The following DYNC1I1 variants were observed in gnomAD, a reference collection of about 807,000 sequenced individuals.
The protein encoded by DYNC1I1 is cytoplasmic dynein 1 intermediate chain 1.
DYNC1I1 carries 43 observed loss-of-function variants against 86.6 expected under a neutral mutation model. The observed-to-expected ratio is 0.50, with a 90% CI of 0.39 to 0.64. DYNC1I1 has a LOEUF of 0.64. DYNC1I1 is among the 30% of genes least tolerant of loss of function. The pLI is 0.00. For synonymous variants in DYNC1I1, 262 were observed against 283.7 expected, an observed-to-expected ratio of 0.92 and a Z score of 0.77; for missense variants, 604 against 788.8, an observed-to-expected ratio of 0.77 and a Z score of 2.81.
intron 1 of DYNC1I1, among the ~76,000 whole-genome samples, chr7:95,787,393 A>G (rs922832077): frequency 6.6e-6 from 1 of 152,158 alleles, no homozygotes; most frequent in Non-Finnish European, 1.5e-5. Flanking sequence ...ATGTTAATAC[A>G]TTCAAAAGGA....
chr7:95,871,509 A>G (rs1790167925), intron 6 of DYNC1I1, among the ~76,000 whole-genome samples: 1 of 152,228 alleles, frequency 6.6e-6, no homozygotes, highest in South Asian at 2.1e-4. Flanking sequence ...ATTTGCTGCC[A>G]GAGGTATTTG....
At chr7:96,074,201 C>T (rs999353761) in intron 14 of DYNC1I1, among the ~76,000 whole-genome samples, 2 of 152,216 alleles carry the variant, frequency 1.3e-5, no homozygotes, top group African/African-American at 4.8e-5. Context: ...AGACACATCT[C>T]ACTATATCCA....
intron 5 of DYNC1I1, among the ~76,000 whole-genome samples, chr7:95,855,743 G>T (rs1789702966): frequency 1.3e-5 from 2 of 152,156 alleles, no homozygotes; most frequent in Admixed American, 6.5e-5. Flanking sequence ...AAATATCTGT[G>T]TATCTTAACC....
chr7:95,850,653 G>A (rs1789553687), intron 5 of DYNC1I1, among the ~76,000 whole-genome samples: 1 of 152,154 alleles, frequency 6.6e-6, no homozygotes, highest in African/African-American at 2.4e-5. Context: ...CATGTGTCAT[G>A]CATTGTGGCC....
intron 16 of DYNC1I1, among the ~76,000 whole-genome samples, chr7:96,107,925 G>A (rs1361457159): frequency 7.4e-6 from 1 of 135,828 alleles, no homozygotes; most frequent in Non-Finnish European, 1.5e-5. Context: ...ATTGCCTTCC[G>A]GCCTCAATGA....
chr7:96,022,382 A>T (rs1327789584), intron 10 of DYNC1I1, among the ~76,000 whole-genome samples: 6 of 152,196 alleles, frequency 3.9e-5, no homozygotes, highest in Admixed American at 6.5e-5. Context: ...TTTTAGAATC[A>T]GCTGCTTTTT....
At chr7:95,965,008 G>C (rs1252982199) in intron 6 of DYNC1I1, among the ~76,000 whole-genome samples, 3 of 152,184 alleles carry the variant, frequency 2.0e-5, no homozygotes, top group South Asian at 2.1e-4. Context: ...TTATGAGATA[G>C]AGCTGGACAC....
intron 10 of DYNC1I1, among the ~76,000 whole-genome samples, chr7:96,008,869 T>C (rs1224689035): frequency 6.6e-6 from 1 of 152,208 alleles, no homozygotes; most frequent in East Asian, 1.9e-4. Flanking sequence ...TAGGAGACTT[T>C]CTGCATTTTT....
At chr7:95,968,653 C>A (rs573843107) in intron 6 of DYNC1I1, among the ~76,000 whole-genome samples, 19 of 152,090 alleles carry the variant, frequency 1.2e-4, no homozygotes, top group Non-Finnish European at 2.5e-4. Context: ...AAGGAAACTG[C>A]AGATTTGCAC....
At chr7:95,863,575 G>T (rs868645377) in intron 5 of DYNC1I1, among the ~76,000 whole-genome samples, 12 of 152,102 alleles carry the variant, frequency 7.9e-5, no homozygotes, top group African/African-American at 2.7e-4. Flanking sequence ...CTGCTTCTCC[G>T]TGCCTTTCAT....
Position 95,994,823 on chromosome 7 carries a change from G to A in DYNC1I1, c.844-1125G>A, listed in dbSNP as rs185250253. On this transcript the variant is annotated intron_variant, in intron 9 of 16. Coordinates refer to ENST00000447467, the MANE Select transcript of DYNC1I1 (RefSeq NM_001135556.2). ...GTCAGTATAGGAAGCCATTTATGAA[G>A]CTGCTGCCTTCATCCAGATAAGAAA... Among the ~76,000 whole-genome samples the A allele has an allele frequency of 2.0e-5, 3 of 152,290 alleles. No homozygotes were observed. In the East Asian group the frequency reaches 5.8e-4, roughly 29 times the overall value.
rs1792069259 is a variant in DYNC1I1, at chr7:95,937,219, G to A, written c.491-40293G>A. ...GGGTACGGAGTTTCAGTTACGTAGG[G>A]TGGATTAGTTCTAGAGCTCTAATGT... is the stretch of plus-strand genomic sequence containing the variant. On this transcript the variant is annotated intron_variant, in intron 6 of 16. Coordinates refer to ENST00000447467, the MANE Select transcript of DYNC1I1 (RefSeq NM_001135556.2). 2.0e-5 allele frequency among the ~76,000 whole-genome samples: 3 copies of A among 151,902 alleles called. No homozygotes were observed. In the South Asian group the frequency reaches 6.2e-4, roughly 32 times the overall value.
intron 6 of DYNC1I1, among the ~76,000 whole-genome samples, chr7:95,921,625 C>CA (rs1279523413): frequency 6.6e-6 from 1 of 152,162 alleles, no homozygotes; most frequent in East Asian, 1.9e-4. Flanking sequence ...CTCTTGTCTG[C>CA]ACACACCCTG....
intron 2 of DYNC1I1, among the ~76,000 whole-genome samples, chr7:95,809,382 G>A (rs1794776268): frequency 6.6e-6 from 1 of 152,080 alleles, no homozygotes; most frequent in South Asian, 2.1e-4. Context: ...GCTTTCCTTG[G>A]GGAAGAAGGT....
chr7:95,863,702 G>A (rs1254777057), intron 5 of DYNC1I1, among the ~76,000 whole-genome samples: 2 of 151,870 alleles, frequency 1.3e-5, no homozygotes, highest in African/African-American at 2.4e-5. Context: ...TTTTCTTTAG[G>A]CCTTCATCAC....
At chr7:95,841,151 C>A (rs1398404427) in intron 5 of DYNC1I1, among the ~76,000 whole-genome samples, 1 of 152,090 alleles carries the variant, frequency 6.6e-6, no homozygotes, top group East Asian at 1.9e-4. Context: ...GAGGCCAGTC[C>A]CTCTGGTAGC....
chr7:95,805,631 C>G (rs1280059179), intron 2 of DYNC1I1, among the ~76,000 whole-genome samples: 1 of 152,144 alleles, frequency 6.6e-6, no homozygotes, highest in Non-Finnish European at 1.5e-5. Context: ...TTTTCTTCCA[C>G]TATGTGAATC....
chr7:95,952,517 T>C (rs1792587523), intron 6 of DYNC1I1, among the ~76,000 whole-genome samples: 1 of 152,124 alleles, frequency 6.6e-6, no homozygotes. Flanking sequence ...TATCCCCACT[T>C]TACTAGCAAA....
chr7:95,952,485 C>T (rs1015700082), intron 6 of DYNC1I1, among the ~76,000 whole-genome samples: 3 of 152,120 alleles, frequency 2.0e-5, no homozygotes, highest in Admixed American at 2.0e-4. Flanking sequence ...GGATCCCCAG[C>T]GGCTCCCCTC....
Sources: allele counts gnomAD v4.1 joint callset (sites outside exome capture counted in the v4.1 genomes callset), GRCh38; gene constraint gnomAD v4.1.1; transcripts MANE v1.5; gene names NCBI Gene and HGNC (gene_info 2026-07-23, HGNC 2026-07-21).